KALRN: variants seen among roughly 807,000 people sequenced by gnomAD.
The protein encoded by KALRN is kalirin RhoGEF kinase.
A neutral mutation model predicts 353.7 loss-of-function variants in KALRN; 70 were observed. The ratio of observed to expected loss-of-function variants is 0.20; its 90% CI spans 0.16 to 0.24. The LOEUF is 0.24. Among genes scored for constraint, KALRN ranks in the 10% least tolerant of loss-of-function variants. The pLI is 1.00. For synonymous variants in KALRN, 1,391 were observed against 1,434.8 expected (o/e 0.97, Z 0.69); for missense variants, 2,791 against 3,756.7 (o/e 0.74, Z 6.72).
chr3:124,622,080 A>C (rs2079336253), intron 34 of KALRN, among the ~76,000 whole-genome samples: 2 of 152,246 alleles, frequency 1.3e-5, no homozygotes, highest in Non-Finnish European at 2.9e-5. Context: ...GTTTGAGTAT[A>C]TAATATCTTC....
intron 1 of KALRN, among the ~76,000 whole-genome samples, chr3:124,159,633 C>G (rs1172770558): frequency 2.0e-5 from 3 of 150,056 alleles, no homozygotes; most frequent in Non-Finnish European, 1.5e-5. Context: ...TACATTTTGC[C>G]TTCTCTGCTC....
At chr3:124,517,625 G>A (rs1444479214) in intron 33 of KALRN, among the ~76,000 whole-genome samples, 1 of 152,130 alleles carries the variant, frequency 6.6e-6, no homozygotes, top group Non-Finnish European at 1.5e-5. Flanking sequence ...TAGAGATGGT[G>A]GAAGCCATGC....
chr3:124,713,942 G>A (rs917414783), intron 58 of KALRN, among the ~76,000 whole-genome samples: 1 of 152,092 alleles, frequency 6.6e-6, no homozygotes, highest in Admixed American at 6.6e-5. Flanking sequence ...ATGTTAGTCC[G>A]GCTCTTGCGT....
intron 8 of KALRN, among the ~76,000 whole-genome samples, chr3:124,331,413 T>C (rs2080538613): frequency 1.3e-5 from 2 of 152,164 alleles, no homozygotes; most frequent in African/African-American, 2.4e-5. Context: ...AAACACCACC[T>C]GTTCCCCAAA....
intron 1 of KALRN, among the ~76,000 whole-genome samples, chr3:124,143,057 G>A (rs886230045): frequency 6.6e-6 from 1 of 151,900 alleles, no homozygotes; most frequent in Non-Finnish European, 1.5e-5. Context: ...GCACATAGTA[G>A]GTGTTCAGTG....
chr3:124,086,650 TG>T (rs1359239330), intron 1 of KALRN, among the ~76,000 whole-genome samples: 3 of 152,204 alleles, frequency 2.0e-5, no homozygotes, highest in African/African-American at 2.4e-5. Context: ...TTCATGTTTT[TG>T]CAACTTTATC....
At chr3:124,559,519 G>A (rs2071682104) in intron 33 of KALRN, among the ~76,000 whole-genome samples, 2 of 152,214 alleles carry the variant, frequency 1.3e-5, no homozygotes, top group Admixed American at 6.5e-5. Flanking sequence ...CGCTGCTGGA[G>A]TGGGAGCATA....
chr3:124,447,700 T>C (rs1321028240), intron 21 of KALRN, among the ~76,000 whole-genome samples: 1 of 152,220 alleles, frequency 6.6e-6, no homozygotes, highest in African/African-American at 2.4e-5. Context: ...CGGAGATCCC[T>C]CTGACACTAT....
Position 124,714,627 on chromosome 3 carries a change from C to T in KALRN, c.8276+1492C>T, listed in dbSNP as rs947246886. 6.6e-5 allele frequency among the ~76,000 whole-genome samples: 10 copies of T among 152,134 alleles called. No individual in the cohort carries two copies. In the East Asian group the frequency reaches 7.7e-4, roughly 12 times the overall value. On this transcript the variant is annotated intron_variant, in intron 58 of 59. Coordinates refer to ENST00000682506, the MANE Select transcript of KALRN (RefSeq NM_001388419.1). ...GTTTAGCAAACGTTTACTGAGCCCTCGCTATGCACCAACTACCATCCAGAC... is the reference window on the plus strand; with the variant it reads ...GTTTAGCAAACGTTTACTGAGCCCTTGCTATGCACCAACTACCATCCAGAC...
At chr3:124,298,322 T>C (rs1245951523) in intron 5 of KALRN, among the ~76,000 whole-genome samples, 2 of 152,166 alleles carry the variant, frequency 1.3e-5, no homozygotes, top group African/African-American at 4.8e-5. Flanking sequence ...GCTGATTCAC[T>C]TCAGAATCAA....
In KALRN at chr3:124,201,813, C is replaced by T. The variant is rs546470603; in HGVS notation, c.74-26177C>T. Among the ~76,000 whole-genome samples the T allele has an allele frequency of 1.4e-4, 22 of 152,322 alleles. No homozygotes were observed. In the South Asian group the frequency reaches 4.3e-3, roughly 30 times the overall value. ...GACTTATAAATTAAGTCTATAAATG[C>T]AGCTAAGGGAGTGGTTCCTGTCTTG... On this transcript the variant is annotated intron_variant, in intron 1 of 59. Transcript: ENST00000682506.
At chr3:124,439,140 T>C in intron 18 of KALRN, 103 bp downstream of exon 18, 1 of 1,176,706 alleles carries the variant, frequency 8.5e-7, no homozygotes, top group South Asian at 1.5e-5. Context: ...TTTCTCTCTC[T>C]TTCTCTTTCT....
Position 124,690,502 on chromosome 3 carries a change from A to C in KALRN, c.7378-3302A>C, listed in dbSNP as rs184426259. Among the ~76,000 whole-genome samples, 75 of 152,304 alleles carry C rather than the reference A, an allele frequency of 4.9e-4. No homozygotes were observed. The Middle Eastern group carries it at 0.031, about 62-fold the overall frequency. On this transcript the variant is annotated intron_variant, in intron 51 of 59. Transcript: ENST00000682506. ...AATTAAAGGACTGAGTAGAGATAGG[A>C]TAGATAGAGAGGTGGAGAGCAAAGA... is the stretch of plus-strand genomic sequence containing the variant.
intron 51 of KALRN, among the ~76,000 whole-genome samples, chr3:124,684,364 A>C (rs1004170506): frequency 1.3e-5 from 2 of 152,182 alleles, no homozygotes; most frequent in Non-Finnish European, 2.9e-5. Context: ...TTTGTGTATA[A>C]GTGTGTTATT....
At chr3:124,428,672 GA>G (rs1177552776) in intron 15 of KALRN, among the ~76,000 whole-genome samples, 1 of 152,118 alleles carries the variant, frequency 6.6e-6, no homozygotes, top group African/African-American at 2.4e-5. Flanking sequence ...TAAAGTCCTG[GA>G]ATACCTTTTT....
chr3:124,662,190 AT>A (rs2084963941), intron 45 of KALRN, among the ~76,000 whole-genome samples: 1 of 125,256 alleles, frequency 8.0e-6, no homozygotes, highest in Admixed American at 8.9e-5. Context: ...AAGACCCAGA[AT>A]TCTTTTTTTT....
At chr3:124,686,290 G>A (rs1486209930) in intron 51 of KALRN, among the ~76,000 whole-genome samples, 1 of 152,180 alleles carries the variant, frequency 6.6e-6, no homozygotes, top group African/African-American at 2.4e-5. Flanking sequence ...CTGGCTCTGT[G>A]CTGAGCTCCC....
intron 33 of KALRN, 121 bp downstream of exon 33, chr3:124,496,534 T>A: frequency 1.4e-6 from 1 of 722,950 alleles, no homozygotes. Flanking sequence ...CAGTTGTCTC[T>A]TTGTGCCAGC....
intron 1 of KALRN, among the ~76,000 whole-genome samples, chr3:124,216,910 CTTAG>C (rs1223977210): frequency 6.6e-6 from 1 of 152,154 alleles, no homozygotes; most frequent in Non-Finnish European, 1.5e-5. Context: ...CCCATTGTGT[CTTAG>C]TTAGTCTCCT....
Sources: allele counts gnomAD v4.1 joint callset (sites outside exome capture counted in the v4.1 genomes callset), GRCh38; gene constraint gnomAD v4.1.1; transcripts MANE v1.5; gene names NCBI Gene and HGNC (gene_info 2026-07-23, HGNC 2026-07-21).